The following CEP70 variants were observed in gnomAD, a reference collection of about 807,000 sequenced individuals.
The protein encoded by CEP70 is centrosomal protein 70, also known as centrosomal protein of 70 kDa.
CEP70 carries 70 observed loss-of-function variants against 90.9 expected under a neutral mutation model. The observed-to-expected ratio is 0.77, with a 90% CI of 0.64 to 0.94. The LOEUF (loss-of-function observed/expected upper bound fraction) is 0.94. Among genes scored for constraint, CEP70 ranks in the 40% least tolerant of loss-of-function variants. The probability of loss-of-function intolerance (pLI) is 0.00; values close to 1 mark genes in which losing one functional copy is unlikely to be tolerated. For missense variants in CEP70, 648 were observed against 669.0 expected (o/e 0.97, Z 0.35); for synonymous variants, 220 against 228.3 (o/e 0.96, Z 0.33).
At chr3:138,558,266 G>A (rs2040163702) in intron 6 of CEP70, among the ~76,000 whole-genome samples, 1 of 152,182 alleles carries the variant, frequency 6.6e-6, no homozygotes, top group Non-Finnish European at 1.5e-5. Flanking sequence ...TCAGGAGGCT[G>A]AAGTGGGCAA....
intron 7 of CEP70, among the ~76,000 whole-genome samples, chr3:138,534,858 C>T (rs2038126715): frequency 6.6e-6 from 1 of 152,202 alleles, no homozygotes; most frequent in Non-Finnish European, 1.5e-5. Context: ...TCTTTGACTC[C>T]TCCACTCCTT....
chr3:138,566,817 A>ATG (rs1216756488), intron 6 of CEP70, among the ~76,000 whole-genome samples: 1 of 151,122 alleles, frequency 6.6e-6, no homozygotes, highest in African/African-American at 2.4e-5. Context: ...ATATATATAT[A>ATG]TAAAAAAAAA....
At chr3:138,521,251 G>A (rs974812304) in intron 11 of CEP70, among the ~76,000 whole-genome samples, 14 of 152,088 alleles carry the variant, frequency 9.2e-5, no homozygotes, top group African/African-American at 1.9e-4. Context: ...AGTGAGGAGC[G>A]TCTCTGCCAG....
At chr3:138,524,073 T>C (rs2036960764) in intron 11 of CEP70, among the ~76,000 whole-genome samples, 1 of 111,052 alleles carries the variant, frequency 9.0e-6, no homozygotes, top group Non-Finnish European at 1.8e-5. Flanking sequence ...TAATGCCACA[T>C]ATCAACAACC....
Position 138,518,151 on chromosome 3 carries a change from G to A in CEP70, c.944+7339C>T, listed in dbSNP as rs577358121. Among the ~76,000 whole-genome samples the A allele has an allele frequency of 2.0e-5, 3 of 152,358 alleles. No individual in the cohort carries two copies. In the East Asian group the frequency reaches 5.8e-4, roughly 29 times the overall value. On this transcript the variant is annotated intron_variant, in intron 11 of 17. Coordinates refer to ENST00000264982, the MANE Select transcript of CEP70 (RefSeq NM_024491.4). The stretch of plus-strand genomic sequence containing the variant: ...GGCTGTGGGAGGGGCGCCCGACATT[G>A]CTGAGGCTTGAGTAGGTAAACAAAG...
intron 2 of CEP70, among the ~76,000 whole-genome samples, chr3:138,575,750 C>A (rs1166202353): frequency 6.6e-6 from 1 of 152,132 alleles, no homozygotes; most frequent in Non-Finnish European, 1.5e-5. Flanking sequence ...AACAGCAGAT[C>A]TCTTGGCCGA....
At chr3:138,530,012 T>C (rs537572204) in intron 8 of CEP70, among the ~76,000 whole-genome samples, 8 of 152,322 alleles carry the variant, frequency 5.3e-5, no homozygotes, top group African/African-American at 1.4e-4. Flanking sequence ...ATCTGTAAAA[T>C]AGTATCTGTC....
At chr3:138,496,328 C>A (rs1283760111) in intron 17 of CEP70, 1 of 985,294 alleles carries the variant, frequency 1.0e-6, no homozygotes, top group South Asian at 4.7e-5. Context: ...CTTTTAAGCT[C>A]CCGACTTCAG....
chr3:138,563,491 AAC>A (rs2040561418), intron 6 of CEP70, among the ~76,000 whole-genome samples: 1 of 152,184 alleles, frequency 6.6e-6, no homozygotes, highest in African/African-American at 2.4e-5. Flanking sequence ...AATCATAACA[AAC>A]AGTCTCTCAG....
chr3:138,576,342 A>G (rs924007455), intron 2 of CEP70, among the ~76,000 whole-genome samples: 14 of 152,222 alleles, frequency 9.2e-5, no homozygotes, highest in African/African-American at 3.4e-4. Flanking sequence ...GCAAAGATCA[A>G]AAGAGATAAA....
At chr3:138,592,702 A>C (rs2042443489) in intron 1 of CEP70, among the ~76,000 whole-genome samples, 1 of 151,834 alleles carries the variant, frequency 6.6e-6, no homozygotes, top group African/African-American at 2.4e-5. Context: ...ATAGGTCTGA[A>C]GCCCCTTGTA....
At chr3:138,542,766 TTCAG>T in intron 6 of CEP70, among the ~76,000 whole-genome samples, 1 of 152,304 alleles carries the variant, frequency 6.6e-6, no homozygotes. Context: ...ACTCCCGCCA[TTCAG>T]TGAGTCCCAA....
At chr3:138,511,442 C>T (rs139974009) in intron 11 of CEP70, among the ~76,000 whole-genome samples, 52 of 152,304 alleles carry the variant, frequency 3.4e-4, no homozygotes, top group African/African-American at 9.4e-4. Flanking sequence ...AAGGACTAGA[C>T]GTAAACTGAT....
chr3:138,542,574 T>C (rs2038859244), intron 6 of CEP70, among the ~76,000 whole-genome samples: 1 of 152,178 alleles, frequency 6.6e-6, no homozygotes, highest in Non-Finnish European at 1.5e-5. Context: ...CTGCTTCCCA[T>C]TGCATGGCGC....
intron 6 of CEP70, among the ~76,000 whole-genome samples, chr3:138,545,599 C>A (rs2039127394): frequency 6.6e-6 from 1 of 152,104 alleles, no homozygotes; most frequent in African/African-American, 2.4e-5. Context: ...CAGGGTCAGG[C>A]AGAATAGAGC....
chr3:138,546,765 T>TAA (rs57157275), intron 6 of CEP70, among the ~76,000 whole-genome samples: 9 of 149,634 alleles, frequency 6.0e-5, no homozygotes, highest in East Asian at 2.0e-4. Context: ...AATCAACAAA[T>TAA]AAAAAAAAAC....
chr3:138,544,935 G>C (rs941350884), intron 6 of CEP70, among the ~76,000 whole-genome samples: 1 of 152,096 alleles, frequency 6.6e-6, no homozygotes, highest in African/African-American at 2.4e-5. Context: ...AATGAAGAGA[G>C]GTTGATTAAT....
chr3:138,544,275 C>G (rs183438720), intron 6 of CEP70, among the ~76,000 whole-genome samples: 46 of 150,830 alleles, frequency 3.0e-4, no homozygotes, highest in Admixed American at 2.5e-3. Context: ...AATCACTTGA[C>G]CACAAAGGAA....
At chr3:138,505,536 G>A (rs2034908257) in intron 12 of CEP70, 71 bp from the exon 13 acceptor site, 1 of 965,452 alleles carries the variant, frequency 1.0e-6, no homozygotes, top group East Asian at 2.6e-5. Context: ...TTTTAAAGGA[G>A]TGCTTTATGT....
Sources: allele counts gnomAD v4.1 joint callset (sites outside exome capture counted in the v4.1 genomes callset), GRCh38; gene constraint gnomAD v4.1.1; transcripts MANE v1.5; gene names NCBI Gene and HGNC (gene_info 2026-07-23, HGNC 2026-07-21).